Variants in ELFN1 observed in about 807,000 individuals in gnomAD.
ELFN1 encodes the protein extracellular leucine rich repeat and fibronectin type III domain containing 1, also known as protein ELFN1.
A neutral mutation model predicts 7.6 loss-of-function variants in ELFN1; 6 were observed. That is an observed-to-expected ratio of 0.79 (90% CI 0.43 to 1.56). ELFN1 has a LOEUF of 1.56. Ranked by LOEUF, ELFN1 falls within the 40% of genes most tolerant of loss-of-function variation. The pLI is 0.01. For missense variants in ELFN1, 1,169 were observed against 1,232.2 expected, an observed-to-expected ratio of 0.95 and a Z score of 0.77; for synonymous variants, 657 against 588.1, an observed-to-expected ratio of 1.12 and a Z score of -1.70.
rs1778747195 is a variant in ELFN1, at chr7:1,670,686, C to T, written c.-549+332C>T. 6.6e-6 allele frequency among the ~76,000 whole-genome samples: 1 copy of T among 152,200 alleles called. No homozygotes were observed. The highest frequency in any genetic ancestry group is 1.5e-5 in the Non-Finnish European group (1 of 68,022). On this transcript the variant is annotated intron_variant, in intron 1 of 3. Transcript: ENST00000424383. The surrounding 1 kb of genome is among the most constrained non-coding windows in gnomAD (Gnocchi z 6.4). ...CGCCTCTCTCCCTTCCGTCCCCCTT[C>T]GCCGTCCGCACCCTGCCCGGCGCCC...
intron 1 of ELFN1, among the ~76,000 whole-genome samples, chr7:1,678,167 A>G (rs1778907740): frequency 6.6e-6 from 1 of 152,032 alleles, no homozygotes; most frequent in Non-Finnish European, 1.5e-5. Flanking sequence ...CTCACCATGC[A>G]CAGTGTGTGT....
At chr7:1,693,000 C>T (rs1356717062) in intron 2 of ELFN1, 1 of 267,868 alleles carries the variant, frequency 3.7e-6, no homozygotes, top group Non-Finnish European at 7.5e-6. Flanking sequence ...GGCTGTTACT[C>T]TCTCAGCCTC....
chr7:1,728,795 C>T (rs1238164036), intron 3 of ELFN1, among the ~76,000 whole-genome samples: 6 of 152,178 alleles, frequency 3.9e-5, no homozygotes, highest in Non-Finnish European at 8.8e-5. Context: ...GGATCCAGCT[C>T]CACCCGGGTC....
In ELFN1 at chr7:1,670,388, G is replaced by A. The variant is rs1270566876; in HGVS notation, c.-549+34G>A. On this transcript the variant is annotated intron_variant, in intron 1 of 3. Transcript: ENST00000424383. The surrounding 1 kb of genome is among the most constrained non-coding windows in gnomAD (Gnocchi z 6.4). ...CGAGCGCGGCCGGGCGCTGAACCTG[G>A]GGGACTTGGGACCCGGACCACCCCC... Among the ~76,000 whole-genome samples the A allele has an allele frequency of 6.6e-6, 1 of 151,574 alleles. No homozygotes were observed. The highest frequency in any genetic ancestry group is 2.4e-5 in the African/African-American group (1 of 41,274).
intron 3 of ELFN1, among the ~76,000 whole-genome samples, chr7:1,715,147 G>A (rs112154987): frequency 1.1e-4 from 16 of 152,346 alleles, no homozygotes; most frequent in African/African-American, 3.1e-4. Context: ...GAGAAGAGCC[G>A]TTCTCTTGCC....
intron 3 of ELFN1, among the ~76,000 whole-genome samples, chr7:1,721,376 A>G (rs566146290): frequency 6.6e-6 from 1 of 152,342 alleles, no homozygotes; most frequent in East Asian, 1.9e-4. Flanking sequence ...CTCAGGGGGC[A>G]GAGGCCAATA....
At chr7:1,690,275 GTAGGTGGA>G (rs973021581) in intron 2 of ELFN1, among the ~76,000 whole-genome samples, 5 of 151,352 alleles carry the variant, frequency 3.3e-5, no homozygotes, top group South Asian at 2.1e-4. Flanking sequence ...GGGTGAGTGG[GTAGGTGGA>G]TAGGTGGATG....
At chr7:1,734,858 C>T (rs768095257) in intron 3 of ELFN1, among the ~76,000 whole-genome samples, 3 of 152,090 alleles carry the variant, frequency 2.0e-5, no homozygotes, top group Non-Finnish European at 2.9e-5. Context: ...CCACCACACC[C>T]GGCAAATTTT....
At position 1,673,942 on chromosome 7, in the gene ELFN1, G is replaced by A. The variant is rs1182287622; in HGVS notation, c.-549+3588G>A. On this transcript the variant is annotated intron_variant, in intron 1 of 3. Coordinates refer to ENST00000424383, the MANE Select transcript of ELFN1 (RefSeq NM_001128636.4). This position sits in a 1 kb window ranked among gnomAD's most constrained non-coding sequence, Gnocchi z 4.7. Reference sequence around the variant, plus strand: ...GGAACCCAGGCTGAGGCAGGAGGGGGTCCAGCAGGGCTTGAGGGACCTTCA... The same window carrying A: ...GGAACCCAGGCTGAGGCAGGAGGGGATCCAGCAGGGCTTGAGGGACCTTCA... Among the ~76,000 whole-genome samples, 1 of 152,138 alleles carries A rather than the reference G, an allele frequency of 6.6e-6. No individual in the cohort carries two copies. Among genetic ancestry groups the A allele is most frequent in the Non-Finnish European group, 1.5e-5 (1 of 68,014 alleles).
intron 3 of ELFN1, among the ~76,000 whole-genome samples, chr7:1,719,633 C>G (rs1779956976): frequency 6.6e-6 from 1 of 152,202 alleles, no homozygotes; most frequent in African/African-American, 2.4e-5. Flanking sequence ...TCTGTGAGGA[C>G]ACTGCCCTTT....
In ELFN1 at chr7:1,747,156, C is replaced by T; in HGVS notation, c.*73C>T. The T allele has an allele frequency of 7.2e-7, 1 of 1,384,168 alleles. No homozygotes were observed. The highest frequency in any genetic ancestry group is 9.4e-7 in the Non-Finnish European group (1 of 1,058,318). The allele number at this position is 1,384,168 out of a possible 1,614,324, so 85.7% of individuals were successfully genotyped here. On this transcript the variant is annotated 3_prime_UTR_variant, in exon 4 of 4. Coordinates refer to ENST00000424383, the MANE Select transcript of ELFN1 (RefSeq NM_001128636.4). ...CCACCCAGAGACTCAGCACCAAACC[C>T]AACACACGCACGCCACCACAGCAAC... is the stretch of plus-strand genomic sequence containing the variant.
chr7:1,712,660 G>T (rs1779696110), intron 3 of ELFN1, among the ~76,000 whole-genome samples: 1 of 151,564 alleles, frequency 6.6e-6, no homozygotes, highest in South Asian at 2.1e-4. Context: ...TCAAACTCCT[G>T]ACCTCAAGTG....
intron 3 of ELFN1, among the ~76,000 whole-genome samples, chr7:1,728,876 C>A (rs539681553): frequency 6.6e-6 from 1 of 152,176 alleles, no homozygotes; most frequent in Admixed American, 6.5e-5. Context: ...CAAACACCAT[C>A]GCATCTCACT....
chr7:1,734,180 C>T (rs952643405), intron 3 of ELFN1, among the ~76,000 whole-genome samples: 3 of 152,158 alleles, frequency 2.0e-5, no homozygotes, highest in African/African-American at 7.2e-5. Flanking sequence ...CATCCTTGGA[C>T]ACCTAGACCC....
intron 3 of ELFN1, among the ~76,000 whole-genome samples, chr7:1,722,992 C>T (rs1330220132): frequency 6.6e-6 from 1 of 152,092 alleles, no homozygotes; most frequent in Non-Finnish European, 1.5e-5. Context: ...GTCAGGAGTT[C>T]AAAACCAGCC....
At chr7:1,704,854 T>C (rs1779499392) in intron 2 of ELFN1, among the ~76,000 whole-genome samples, 1 of 151,810 alleles carries the variant, frequency 6.6e-6, no homozygotes, top group Non-Finnish European at 1.5e-5. Flanking sequence ...ACACCAAGGG[T>C]CAGCCCTGTC....
At position 1,698,821 on chromosome 7, in the gene ELFN1, A is replaced by G. The variant is rs116655168; in HGVS notation, c.-455-10270A>G. Among the ~76,000 whole-genome samples, 463 of 152,266 alleles carry G rather than the reference A, an allele frequency of 3.0e-3. 1 individual carries two copies. The highest frequency in any genetic ancestry group is 0.01 in the African/African-American group (427 of 41,550). On this transcript the variant is annotated intron_variant, in intron 2 of 3. Transcript: ENST00000424383. ...TTTGAGATGTAAGTTACATACAGAA[A>G]AGTTCACAAATCCTCACTGTGCACA...
At chr7:1,708,161 G>T (rs1346623107) in intron 2 of ELFN1, among the ~76,000 whole-genome samples, 1 of 152,204 alleles carries the variant, frequency 6.6e-6, no homozygotes, top group Non-Finnish European at 1.5e-5. Context: ...CATTCATGGG[G>T]CTGGGCTCTG....
chr7:1,668,351 C>A (rs1297063296), upstream of ELFN1, among the ~76,000 whole-genome samples: 1 of 152,246 alleles, frequency 6.6e-6, no homozygotes, highest in African/African-American at 2.4e-5. Context: ...GCAGGGCACA[C>A]GGGGGACACC....
Sources: gnomAD v4.1 joint callset for allele counts (sites outside exome capture counted in the v4.1 genomes callset) on GRCh38, gnomAD v4.1.1 for gene constraint, Gnocchi (gnomAD v3.1) non-coding constraint, MANE v1.5 for transcripts, NCBI Gene and HGNC (gene_info 2026-07-23, HGNC 2026-07-21) for gene names.